Variants in DDX19B observed in about 807,000 individuals in gnomAD.
The protein encoded by DDX19B is DEAD-box helicase 19B, also known as ATP-dependent RNA helicase DDX19B.
In DDX19B, 27 loss-of-function variants were observed where a neutral mutation model predicts 58.1. The observed-to-expected ratio is 0.46, with a 90% confidence interval of 0.34 to 0.64. DDX19B has a LOEUF of 0.64. Among genes scored for constraint, DDX19B ranks in the 30% least tolerant of loss-of-function variants. DDX19B has a pLI of 0.01. For missense variants in DDX19B, 399 were observed against 596.5 expected (o/e 0.67, Z 3.45); for synonymous variants, 187 against 214.4 (o/e 0.87, Z 1.12).
chr16:70,305,236 C>T (rs569188202), intron 1 of DDX19B, among the ~76,000 whole-genome samples: 2 of 152,270 alleles, frequency 1.3e-5, no homozygotes, highest in East Asian at 3.9e-4. Context: ...TAAACTCCTG[C>T]CTAGATGGTG....
At chr16:70,307,713 G>A (rs1158964433) in intron 1 of DDX19B, among the ~76,000 whole-genome samples, 1 of 150,570 alleles carries the variant, frequency 6.6e-6, no homozygotes, top group African/African-American at 2.4e-5. Context: ...ATGTGTGTGT[G>A]TGTATATATG....
At chr16:70,304,728 T>C (rs897302255) in intron 1 of DDX19B, among the ~76,000 whole-genome samples, 2 of 152,126 alleles carry the variant, frequency 1.3e-5, no homozygotes, top group Non-Finnish European at 2.9e-5. Flanking sequence ...GGTTTTCTTT[T>C]TTCTTCTGTT....
chr16:70,303,652 G>A (rs561610570), intron 1 of DDX19B, among the ~76,000 whole-genome samples: 1 of 152,222 alleles, frequency 6.6e-6, no homozygotes, highest in Non-Finnish European at 1.5e-5. Context: ...CACCTCTCAG[G>A]CTCACGCCAT....
intron 5 of DDX19B, among the ~76,000 whole-genome samples, chr16:70,321,990 G>A (rs145736887): frequency 0.019 from 2,834 of 150,030 alleles, 164 homozygotes; most frequent in East Asian, 0.14. Context: ...AGCTGAGATC[G>A]CGCCATTGGA....
intron 5 of DDX19B, among the ~76,000 whole-genome samples, chr16:70,320,492 T>C (rs935508145): frequency 6.7e-6 from 1 of 150,332 alleles, no homozygotes; most frequent in East Asian, 2.0e-4. Context: ...CACCTCGGCC[T>C]CCCACCCAAG....
At chr16:70,314,114 GA>G (rs904330935) in intron 2 of DDX19B, among the ~76,000 whole-genome samples, 21 of 148,016 alleles carry the variant, frequency 1.4e-4, no homozygotes, top group African/African-American at 3.5e-4. Context: ...CTCAAAAAAA[GA>G]AAAAAAAAAT....
upstream of DDX19B, among the ~76,000 whole-genome samples, chr16:70,291,032 A>G (rs1961047541): frequency 6.6e-6 from 1 of 152,262 alleles, no homozygotes; most frequent in African/African-American, 2.4e-5. Context: ...CATCCTACAC[A>G]AAAAGAAGGT....
intron 1 of DDX19B, among the ~76,000 whole-genome samples, chr16:70,309,351 C>T (rs149155291): frequency 0.052 from 7,878 of 150,068 alleles, 267 homozygotes; most frequent in Non-Finnish European, 0.072. Context: ...AAAAGTTAGT[C>T]GGGCATGGTG....
At chr16:70,320,064 CTGAT>C (rs1962682991) in intron 5 of DDX19B, among the ~76,000 whole-genome samples, 1 of 151,736 alleles carries the variant, frequency 6.6e-6, no homozygotes, top group Non-Finnish European at 1.5e-5. Flanking sequence ...TGGTTTCATA[CTGAT>C]TGATCATTTA....
chr16:70,330,864 G>A (rs1477778926), intron 9 of DDX19B, among the ~76,000 whole-genome samples: 1 of 151,762 alleles, frequency 6.6e-6, no homozygotes, highest in African/African-American at 2.4e-5. Flanking sequence ...GCACAACATA[G>A]CAAGACCCCA....
At chr16:70,331,645 GC>G in intron 9 of DDX19B, 76 bp from the exon 10 acceptor site, 2 of 1,527,000 alleles carry the variant, frequency 1.3e-6, no homozygotes, top group Non-Finnish European at 1.8e-6. Context: ...TTTAATCGTG[GC>G]AAGCCACTTT....
intron 1 of DDX19B, among the ~76,000 whole-genome samples, chr16:70,311,963 T>A (rs551615963): frequency 1.2e-3 from 182 of 152,196 alleles, no homozygotes; most frequent in Non-Finnish European, 1.8e-3. Context: ...TGCCTCAGCC[T>A]CCCAAGTAGC....
intron 1 of DDX19B, among the ~76,000 whole-genome samples, chr16:70,309,863 A>G (rs1216098219): frequency 4.1e-5 from 6 of 148,094 alleles, no homozygotes; most frequent in Non-Finnish European, 8.9e-5. Flanking sequence ...GGGCTCCTCC[A>G]TTCTCAACAA....
At chr16:70,314,694 A>G (rs574621289) in intron 2 of DDX19B, 1 of 255,006 alleles carries the variant, frequency 3.9e-6, no homozygotes, top group East Asian at 9.5e-5. Flanking sequence ...ATAAATATCT[A>G]TCTATATATA....
Position 70,324,386 on chromosome 16 carries a change from AAAG to A in DDX19B, c.390-191_390-189del, listed in dbSNP as rs1342561142. ...TCAAAAAAAAAAAAAAAAAAAAAAAAAAGAAGAAGATGTGGAGTGCTTCAAATC... is the reference window on the plus strand; with the variant it reads ...TCAAAAAAAAAAAAAAAAAAAAAAAAAAGAAGATGTGGAGTGCTTCAAATC... On this transcript the variant is annotated intron_variant, in intron 5 of 11. Coordinates refer to ENST00000288071, the MANE Select transcript of DDX19B (RefSeq NM_007242.7). 9.6e-5 allele frequency among the ~76,000 whole-genome samples: 13 copies of A among 135,840 alleles called. 1 individual carries two copies. The highest frequency in any genetic ancestry group is 3.0e-4 in the African/African-American group (8 of 26,886). 89.1% of individuals were successfully genotyped at this position (135,840 alleles called of 152,430 possible).
chr16:70,304,372 C>CTT (rs1055145154), intron 1 of DDX19B, among the ~76,000 whole-genome samples: 3 of 128,894 alleles, frequency 2.3e-5, no homozygotes, highest in Admixed American at 8.1e-5. Flanking sequence ...ACAGAGATGT[C>CTT]TTTTTTTTTT....
intron 1 of DDX19B, among the ~76,000 whole-genome samples, chr16:70,309,966 C>G (rs923113716): frequency 6.6e-6 from 1 of 152,006 alleles, no homozygotes; most frequent in African/African-American, 2.4e-5. Context: ...GAAATGCGGC[C>G]TAATGCGTAG....
upstream of DDX19B, chr16:70,295,163 C>T (rs924225267): frequency 4.2e-6 from 4 of 954,600 alleles, no homozygotes; most frequent in African/African-American, 5.1e-5. Context: ...TGCTCTTATT[C>T]CCCGAACACT....
intron 5 of DDX19B, among the ~76,000 whole-genome samples, chr16:70,324,023 G>C (rs1962999626): frequency 6.6e-6 from 1 of 152,078 alleles, no homozygotes; most frequent in Admixed American, 6.6e-5. Context: ...CAGTACTAGG[G>C]CCCTGTGGTG....
Sources: allele counts gnomAD v4.1 joint callset (sites outside exome capture counted in the v4.1 genomes callset), GRCh38; gene constraint gnomAD v4.1.1; transcripts MANE v1.5; gene names NCBI Gene and HGNC (gene_info 2026-07-23, HGNC 2026-07-21).